The following CNTN5 variants were observed in gnomAD, a reference collection of about 807,000 sequenced individuals.
CNTN5 encodes the protein contactin-5.
In CNTN5, 77 loss-of-function variants were observed where a neutral mutation model predicts 129.1. The ratio of observed to expected loss-of-function variants is 0.60; its 90% CI spans 0.50 to 0.72. CNTN5 has a LOEUF of 0.72. CNTN5 is among the 30% of genes least tolerant of loss of function. The probability of loss-of-function intolerance (pLI) is 0.00; values close to 1 mark genes in which losing one functional copy is unlikely to be tolerated. For synonymous variants in CNTN5, 509 were observed against 465.6 expected (o/e 1.09, Z -1.20); for missense variants, 1,478 against 1,328.8 (o/e 1.11, Z -1.75).
At chr11:99,133,965 C>A (rs943437189) in intron 1 of CNTN5, among the ~76,000 whole-genome samples, 3 of 152,122 alleles carry the variant, frequency 2.0e-5, no homozygotes, top group Non-Finnish European at 1.5e-5. Flanking sequence ...CATGTATGTT[C>A]ATTGCAGCAC....
At chr11:99,033,083 T>A (rs1432199195) in intron 1 of CNTN5, among the ~76,000 whole-genome samples, 1 of 148,728 alleles carries the variant, frequency 6.7e-6, no homozygotes, top group Non-Finnish European at 1.5e-5. Context: ...GTTGTAGATA[T>A]GCGGCGTTAT....
chr11:100,314,180 A>G (rs1401069888), intron 21 of CNTN5, among the ~76,000 whole-genome samples: 2 of 152,166 alleles, frequency 1.3e-5, no homozygotes, highest in Non-Finnish European at 2.9e-5. Flanking sequence ...CAGGACACCA[A>G]CAGGTTTTGG....
chr11:100,191,034 C>A (rs1948469358), intron 13 of CNTN5, 92 bp from the exon 14 acceptor site: 2 of 779,492 alleles, frequency 2.6e-6, no homozygotes, highest in African/African-American at 1.8e-5. Flanking sequence ...TTATTATCAC[C>A]CTAGAAATGG....
chr11:99,808,922 G>A (rs1419494996), intron 3 of CNTN5, among the ~76,000 whole-genome samples: 5 of 152,020 alleles, frequency 3.3e-5, no homozygotes, highest in East Asian at 1.9e-4. Flanking sequence ...AGACAGTAAC[G>A]GACAGCTAAA....
chr11:100,296,532 G>C (rs150004343), intron 18 of CNTN5, among the ~76,000 whole-genome samples: 1 of 151,630 alleles, frequency 6.6e-6, no homozygotes, highest in East Asian at 1.9e-4. Context: ...GCAGCTGCAT[G>C]TGCCTGAGCA....
intron 3 of CNTN5, among the ~76,000 whole-genome samples, chr11:99,632,282 A>G (rs665986): frequency 0.6 from 91,728 of 151,952 alleles, 28,522 homozygotes; most frequent in Admixed American, 0.69. Context: ...GTAAATGTTC[A>G]TAGTAATTAT....
At position 100,103,963 on chromosome 11, in the gene CNTN5, T is replaced by C. The variant is rs1443971908; in HGVS notation, c.1580+29669T>C. Among the ~76,000 whole-genome samples the C allele has an allele frequency of 2.6e-5, 4 of 152,176 alleles. No individual in the cohort carries two copies. In the East Asian group the frequency reaches 7.7e-4, roughly 29 times the overall value. On this transcript the variant is annotated intron_variant, in intron 13 of 24. Transcript: ENST00000524871. ...GAAATAAGTAGAACTTGTGAAACCC[T>C]TTACAAAGTCACAGAATATACTTTA...
At position 99,679,690 on chromosome 11, in the gene CNTN5, C is replaced by T. The variant is rs367989954; in HGVS notation, c.55+123421C>T. ...AAATTAGGTCAGTTAAGAACCCTACCGTGGCCTCTAAGTGTTCAAATTGAA... is the reference window on the plus strand; with the variant it reads ...AAATTAGGTCAGTTAAGAACCCTACTGTGGCCTCTAAGTGTTCAAATTGAA... On this transcript the variant is annotated intron_variant, in intron 3 of 24. Transcript: ENST00000524871. 4.1e-3 allele frequency among the ~76,000 whole-genome samples: 617 copies of T among 152,264 alleles called. 5 individuals carry two copies. Among genetic ancestry groups the T allele is most frequent in the African/African-American group, 0.013 (533 of 41,560 alleles).
intron 2 of CNTN5, among the ~76,000 whole-genome samples, chr11:99,411,929 T>C (rs1402903452): frequency 6.6e-6 from 1 of 152,198 alleles, no homozygotes; most frequent in Non-Finnish European, 1.5e-5. Context: ...GAATGTTTCA[T>C]AAGACATTTA....
chr11:100,125,135 T>C (rs1284423472), intron 13 of CNTN5, among the ~76,000 whole-genome samples: 1 of 152,088 alleles, frequency 6.6e-6, no homozygotes, highest in Non-Finnish European at 1.5e-5. Flanking sequence ...GGGAGATATT[T>C]TACTCCATTC....
rs1014908685 is a variant in CNTN5, at chr11:99,127,815, G to A, written c.-210+106545G>A. ...GCTGTGTGAGGTATTTTGTCCAGTG[G>A]TATCCTCCATTAACGTCTTTATCAC... On this transcript the variant is annotated intron_variant, in intron 1 of 24. Coordinates refer to ENST00000524871, the MANE Select transcript of CNTN5 (RefSeq NM_014361.4). Among the ~76,000 whole-genome samples the A allele has an allele frequency of 7.2e-5, 11 of 152,196 alleles. No homozygotes were observed. The South Asian group carries it at 1.5e-3, about 20-fold the overall frequency.
At chr11:100,215,832 G>A (rs1396884058) in intron 15 of CNTN5, among the ~76,000 whole-genome samples, 1 of 152,080 alleles carries the variant, frequency 6.6e-6, no homozygotes, top group Non-Finnish European at 1.5e-5. Flanking sequence ...AGGAATAAAA[G>A]GCAAAATAAT....
In CNTN5 at chr11:100,308,929, G is replaced by C. The variant is rs1410227618; in HGVS notation, c.2730+461G>C. 4.1e-6 allele frequency: 4 copies of C among 983,470 alleles called. No homozygotes were observed. The Admixed American group carries it at 2.5e-4, about 61-fold the overall frequency. 60.9% of individuals were successfully genotyped at this position (983,470 alleles called of 1,614,324 possible). A position where few individuals can be genotyped will look rare whatever the true frequency, so the allele number is the denominator to read the frequency against. ...ATCTATGTATTCAGATAGTTTTTTTGGTCCCTTAAATGTTGCTATTTTTAA... is the reference window on the plus strand; with the variant it reads ...ATCTATGTATTCAGATAGTTTTTTTCGTCCCTTAAATGTTGCTATTTTTAA... On this transcript the variant is annotated intron_variant, in intron 21 of 24. Transcript: ENST00000524871.
chr11:99,487,078 G>A (rs1476944751), intron 2 of CNTN5, among the ~76,000 whole-genome samples: 2 of 152,150 alleles, frequency 1.3e-5, no homozygotes, highest in African/African-American at 4.8e-5. Context: ...AATAGATGTT[G>A]GCAGAGAGAA....
chr11:100,172,268 G>GA (rs141351161), intron 13 of CNTN5, among the ~76,000 whole-genome samples: 14,025 of 148,104 alleles, frequency 0.095, 808 homozygotes, highest in Non-Finnish European at 0.13. Context: ...CCTTCATGGG[G>GA]AAAAAAAAAA....
chr11:99,290,402 A>G (rs1483736175), intron 1 of CNTN5, among the ~76,000 whole-genome samples: 1 of 151,880 alleles, frequency 6.6e-6, no homozygotes, highest in African/African-American at 2.4e-5. Context: ...GGAATTCTTA[A>G]AGGTCCCACA....
At chr11:99,729,367 G>A (rs1047136914) in intron 3 of CNTN5, among the ~76,000 whole-genome samples, 1 of 152,072 alleles carries the variant, frequency 6.6e-6, no homozygotes, top group Non-Finnish European at 1.5e-5. Context: ...CTCATGTCAC[G>A]GGGGTTCGTT....
intron 1 of CNTN5, among the ~76,000 whole-genome samples, chr11:99,247,293 T>C (rs1861860014): frequency 6.6e-6 from 1 of 152,062 alleles, no homozygotes; most frequent in African/African-American, 2.4e-5. Flanking sequence ...ACTGAATTTC[T>C]TCGTATGTAA....
At chr11:99,806,677 C>A (rs772035394) in intron 3 of CNTN5, among the ~76,000 whole-genome samples, 1 of 151,620 alleles carries the variant, frequency 6.6e-6, no homozygotes, top group Admixed American at 6.6e-5. Context: ...TGTGGTGGCG[C>A]GCACCTCTAA....
Sources: gnomAD v4.1 joint callset for allele counts (sites outside exome capture counted in the v4.1 genomes callset) on GRCh38, gnomAD v4.1.1 for gene constraint, MANE v1.5 for transcripts, NCBI Gene and HGNC (gene_info 2026-07-23, HGNC 2026-07-21) for gene names.